The following REXO5 variants were observed in gnomAD, a reference collection of about 807,000 sequenced individuals.
The protein encoded by REXO5 is RNA exonuclease 5, also known as exonuclease NEF-sp.
REXO5 carries 48 observed loss-of-function variants against 88.5 expected under a neutral mutation model. The ratio of observed to expected loss-of-function variants is 0.54; its 90% CI spans 0.43 to 0.69. The LOEUF is 0.69. Ranked by LOEUF, REXO5 falls within the 30% of genes least tolerant of loss-of-function variation. REXO5 has a pLI of 0.00. For synonymous variants in REXO5, 311 were observed against 336.5 expected (o/e 0.92, Z 0.83); for missense variants, 749 against 912.2 (o/e 0.82, Z 2.30).
At chr16:20,824,599 C>A (rs2081233989) in intron 7 of REXO5, 72 bp downstream of exon 7, 3 of 868,470 alleles carry the variant, frequency 3.5e-6, no homozygotes, top group Admixed American at 2.1e-5. Context: ...TTTCTTGAGT[C>A]TAATGCACTA....
At position 20,827,091 on chromosome 16, in the gene REXO5, A is replaced by T; in HGVS notation, c.855A>T (p.Pro285=). The T allele has an allele frequency of 6.2e-7, 1 of 1,614,086 alleles. No homozygotes were observed. The highest frequency in any genetic ancestry group is 8.5e-7 in the Non-Finnish European group (1 of 1,179,976). ...GAATCACGAAGAAGATTCTTAACCC[A>T]GTGACGACCAAACTCAAAGATGTAC... is the stretch of plus-strand genomic sequence containing the variant. The part of the protein sequence containing the change: ...FSGITKKILN[P]VTTKLKDVQR... The change falls in exon 9 of 20, where the codon CCA becomes CCT. Residue 285 remains proline (P), a synonymous_variant. Coordinates refer to ENST00000261377, the MANE Select transcript of REXO5 (RefSeq NM_030941.3).
At chr16:20,808,751 G>C (rs1478094961) in intron 2 of REXO5, 1 of 150,976 alleles carries the variant, frequency 6.6e-6, no homozygotes, top group Non-Finnish European at 1.5e-5. Flanking sequence ...CTACAGATGT[G>C]TGCCACTGTG....
At chr16:20,821,021 C>G (rs2152503392) in intron 5 of REXO5, 1 of 152,188 alleles carries the variant, frequency 6.6e-6, no homozygotes, top group Non-Finnish European at 1.5e-5. Flanking sequence ...ACCCTTAATC[C>G]AATCAGTAAT....
intron 11 of REXO5, 92 bp downstream of exon 11, chr16:20,828,629 T>C (rs560902592): frequency 1.1e-6 from 1 of 927,262 alleles, no homozygotes; most frequent in African/African-American, 1.6e-5. Context: ...TATCTATTTT[T>C]ATGAAAATGG....
intron 8 of REXO5, among the ~76,000 whole-genome samples, chr16:20,826,531 A>G (rs1355427523): frequency 6.6e-6 from 1 of 152,218 alleles, no homozygotes; most frequent in East Asian, 1.9e-4. Flanking sequence ...ATAGTGATAA[A>G]TACTGTCCTA....
rs150267432 is a variant in REXO5 at position 20,817,892 on chromosome 16, A to G, written c.475+1680A>G. 4.6e-3 allele frequency among the ~76,000 whole-genome samples: 706 copies of G among 152,284 alleles called. 6 individuals are homozygous for G. The highest frequency in any genetic ancestry group is 0.015 in the African/African-American group (643 of 41,546). On this transcript the variant is annotated intron_variant, in intron 5 of 19. Transcript: ENST00000261377. Reference sequence around the variant, plus strand: ...TCTCAACTGCCTGCTGAATATTCCAATTGCTATTTGGATATTCTACTGTCC... The same window carrying G: ...TCTCAACTGCCTGCTGAATATTCCAGTTGCTATTTGGATATTCTACTGTCC...
At chr16:20,846,183 T>C (rs959450575) in intron 18 of REXO5, 38 bp from the exon 19 acceptor site, 2 of 1,488,068 alleles carry the variant, frequency 1.3e-6, no homozygotes, top group African/African-American at 2.8e-5. Context: ...AACGAGAGAG[T>C]GTTCTGGCTG....
At chr16:20,824,569 T>C in intron 7 of REXO5, 42 bp downstream of exon 7, 1 of 1,184,450 alleles carries the variant, frequency 8.4e-7, no homozygotes, top group Non-Finnish European at 1.3e-6. Context: ...TGTTGCAAGC[T>C]GAGGTCTAGT....
At chr16:20,838,081 A>G (rs2081464108) in intron 13 of REXO5, among the ~76,000 whole-genome samples, 1 of 152,112 alleles carries the variant, frequency 6.6e-6, no homozygotes, top group Admixed American at 6.5e-5. Flanking sequence ...CTGTTTTTTT[A>G]ATAGTAGTTT....
intron 10 of REXO5, among the ~76,000 whole-genome samples, chr16:20,828,165 G>A (rs953444783): frequency 6.6e-6 from 1 of 152,166 alleles, no homozygotes. Flanking sequence ...GAAGGGCCTG[G>A]CCAGGGAGTC....
chr16:20,821,733 T>C (rs751402955), intron 5 of REXO5, 29 bp from the exon 6 acceptor site: 7 of 1,547,150 alleles, frequency 4.5e-6, no homozygotes, highest in African/African-American at 1.4e-5. Context: ...ACACACATTC[T>C]AATATACGTT....
intron 12 of REXO5, 45 bp from the exon 13 acceptor site, chr16:20,832,958 C>G: frequency 6.4e-7 from 1 of 1,572,552 alleles, no homozygotes; most frequent in South Asian, 1.1e-5. Context: ...CTGTCAGGTT[C>G]TGGAAAACTG....
intron 14 of REXO5, chr16:20,840,066 A>G (rs2081502438): frequency 3.6e-6 from 2 of 549,172 alleles, no homozygotes; most frequent in Non-Finnish European, 6.4e-6. Flanking sequence ...ATTTAACAGT[A>G]TATCATACAT....
At chr16:20,808,060 T>C (rs949792371) in intron 2 of REXO5, among the ~76,000 whole-genome samples, 1 of 152,170 alleles carries the variant, frequency 6.6e-6, no homozygotes, top group African/African-American at 2.4e-5. Context: ...GTGAGCCCTA[T>C]TGTGAACTTT....
chr16:20,807,389 C>A, intron 2 of REXO5: 1 of 335,548 alleles, frequency 3.0e-6, no homozygotes, highest in Non-Finnish European at 5.5e-6. Flanking sequence ...CCAGCCTTGT[C>A]AACATGGAGA....
intron 19 of REXO5, among the ~76,000 whole-genome samples, chr16:20,847,261 CAAAAAAAAAA>C: frequency 7.2e-6 from 1 of 138,340 alleles, no homozygotes; most frequent in East Asian, 2.1e-4. Context: ...AACACACACA[CAAAAAAAAAA>C]ACAAAAAAAA....
rs2152508088 is a variant in REXO5, at chr16:20,833,024, A to G, written c.1284A>G (p.Ser428=). The stretch of plus-strand genomic sequence containing the variant: ...ATAGTGTTTTAGAATGCTTGGATTC[A>G]GTGGGTCAGAAGCTTCTTTTTTTGA... ...PNTSVLECLD[S]VGQKLLFLTR... The change falls in exon 13 of 20, where the codon TCA becomes TCG. Residue 428 remains serine (S), a synonymous_variant. Coordinates refer to ENST00000261377, the MANE Select transcript of REXO5 (RefSeq NM_030941.3). 3 of 1,613,742 alleles carry G rather than the reference A, an allele frequency of 1.9e-6. No homozygotes were observed. Among genetic ancestry groups the G allele is most frequent in the Non-Finnish European group, 2.5e-6 (3 of 1,179,736 alleles).
intron 11 of REXO5, 151 bp from the exon 12 acceptor site, chr16:20,832,005 G>A: frequency 1.7e-6 from 1 of 576,512 alleles, no homozygotes; most frequent in East Asian, 3.1e-5. Flanking sequence ...TCCCAGGGCT[G>A]TGGCAATGGC....
At chr16:20,831,000 T>G (rs957252202) in intron 11 of REXO5, among the ~76,000 whole-genome samples, 6 of 143,620 alleles carry the variant, frequency 4.2e-5, no homozygotes, top group Admixed American at 2.1e-4. Flanking sequence ...GTTTTTTTTT[T>G]TTTTTTTTTT....
Sources: gnomAD v4.1 joint callset for allele counts (sites outside exome capture counted in the v4.1 genomes callset) on GRCh38, gnomAD v4.1.1 for gene constraint, MANE v1.5 for transcripts, NCBI Gene and HGNC (gene_info 2026-07-23, HGNC 2026-07-21) for gene names.